Variants in HLTF observed in about 807,000 individuals in gnomAD.
The protein encoded by HLTF is helicase like transcription factor, also known as DNA-dependent ATPase/E3 ubiquitin-protein ligase HLTF.
Under a neutral mutation model 129.4 loss-of-function variants are expected in HLTF, and 127 were observed. The ratio of observed to expected loss-of-function variants is 0.98; its 90% CI spans 0.85 to 1.14. The LOEUF is 1.14. Among genes scored for constraint, HLTF ranks in the 50% most tolerant of loss-of-function variants. The pLI is 0.00. For missense variants in HLTF, 1,139 were observed against 1,187.1 expected (o/e 0.96, Z 0.60); for synonymous variants, 332 against 388.8 (o/e 0.85, Z 1.72).
rs1714967830 is a variant in HLTF, at chr3:149,030,958, GGTATTCTTAAATCT to G, written c.*1248_*1261del. ...TGACTTCCAACACTCTTAAGTCTCA[GGTATTCTTAAATCT>G]GTATCATCAAACATGAAGCTTCTCT... On this transcript the variant is annotated 3_prime_UTR_variant, in exon 25 of 25. Coordinates refer to ENST00000310053, the MANE Select transcript of HLTF (RefSeq NM_003071.4). 6.6e-6 allele frequency: 1 copy of G among 152,056 alleles called. No individual in the cohort carries two copies. Among genetic ancestry groups the G allele is most frequent in the African/African-American group, 2.4e-5 (1 of 41,400 alleles). 9.4% of individuals were successfully genotyped at this position (152,056 alleles called of 1,614,324 possible). A position where few individuals can be genotyped will look rare whatever the true frequency, so the allele number is the denominator to read the frequency against.
chr3:149,083,905 C>T (rs921478234), intron 2 of HLTF, among the ~76,000 whole-genome samples: 2 of 141,970 alleles, frequency 1.4e-5, no homozygotes, highest in Non-Finnish European at 3.0e-5. Flanking sequence ...GGCAACAAAA[C>T]GAAACTTGGT....
At chr3:149,074,644 T>C (rs1719184900) in intron 3 of HLTF, among the ~76,000 whole-genome samples, 1 of 152,106 alleles carries the variant, frequency 6.6e-6, no homozygotes, top group Admixed American at 6.6e-5. Context: ...ATAAGTTAAA[T>C]CAAAGGGTAG....
In HLTF at chr3:149,030,131, T is replaced by C. The variant is rs1714878032; in HGVS notation, c.*2089A>G. 1 of 152,214 alleles carries C rather than the reference T, an allele frequency of 6.6e-6. No individual in the cohort carries two copies. Among genetic ancestry groups the C allele is most frequent in the African/African-American group, 2.4e-5 (1 of 41,452 alleles). The allele number at this position is 152,214 out of a possible 1,614,324, so 9.4% of individuals were successfully genotyped here. Reference sequence around the variant, plus strand: ...ATGGCACCGAGGAAGGTAATAAACATTTGAAATTTTTATTGATTTTTAAAT... The same window carrying C: ...ATGGCACCGAGGAAGGTAATAAACACTTGAAATTTTTATTGATTTTTAAAT... On this transcript the variant is annotated 3_prime_UTR_variant, in exon 25 of 25. Coordinates refer to ENST00000310053, the MANE Select transcript of HLTF (RefSeq NM_003071.4).
chr3:149,081,919 C>T (rs1234807618), intron 2 of HLTF, among the ~76,000 whole-genome samples: 7 of 152,146 alleles, frequency 4.6e-5, no homozygotes, highest in Admixed American at 4.6e-4. Context: ...TACCACCAAA[C>T]CCCAATTCCA....
chr3:149,053,136 T>C (rs1717137420), intron 14 of HLTF, among the ~76,000 whole-genome samples: 1 of 152,122 alleles, frequency 6.6e-6, no homozygotes, highest in Non-Finnish European at 1.5e-5. Flanking sequence ...GCTAGATCCT[T>C]TACTTGAGAG....
At chr3:149,056,876 G>A (rs1020176298) in intron 13 of HLTF, among the ~76,000 whole-genome samples, 4 of 151,952 alleles carry the variant, frequency 2.6e-5, no homozygotes, top group African/African-American at 7.3e-5. Context: ...TTGGGAGGCC[G>A]AGGCGGGCGG....
chr3:149,060,948 T>A, intron 10 of HLTF, 90 bp from the exon 11 acceptor site: 1 of 858,470 alleles, frequency 1.2e-6, no homozygotes, highest in African/African-American at 1.7e-5. Flanking sequence ...ATAAAAAACT[T>A]TTGTCCTACT....
chr3:149,074,097 A>C (rs1169200389), intron 4 of HLTF, 118 bp downstream of exon 4: 3 of 937,388 alleles, frequency 3.2e-6, no homozygotes, highest in Non-Finnish European at 4.5e-6. Context: ...CCTGAAAAAA[A>C]GTTGTACCTT....
intron 9 of HLTF, among the ~76,000 whole-genome samples, chr3:149,064,254 TTAAG>T (rs950458553): frequency 3.9e-5 from 6 of 152,168 alleles, no homozygotes; most frequent in African/African-American, 1.4e-4. Flanking sequence ...TGTTCCAAAC[TTAAG>T]TAATAGCACC....
At chr3:149,071,479 G>A (rs1718856546) in intron 6 of HLTF, 36 bp from the exon 7 acceptor site, 12 of 1,542,398 alleles carry the variant, frequency 7.8e-6, no homozygotes, top group Non-Finnish European at 1.1e-5. Flanking sequence ...AATACATTAA[G>A]CCATTCCTTT....
intron 13 of HLTF, among the ~76,000 whole-genome samples, chr3:149,057,450 A>C (rs942269938): frequency 6.7e-5 from 10 of 150,358 alleles, no homozygotes; most frequent in South Asian, 2.1e-4. Flanking sequence ...AACAAACAAA[A>C]AAACAGTATC....
At chr3:149,038,090 T>C (rs1257166494) in intron 23 of HLTF, among the ~76,000 whole-genome samples, 1 of 152,178 alleles carries the variant, frequency 6.6e-6, no homozygotes, top group East Asian at 1.9e-4. Context: ...CAATCACCTA[T>C]GATATATGCT....
chr3:149,055,917 TTC>T (rs1419396774), intron 13 of HLTF, among the ~76,000 whole-genome samples: 4 of 152,362 alleles, frequency 2.6e-5, no homozygotes, highest in Admixed American at 6.5e-5. Flanking sequence ...CTCATACTCA[TTC>T]TCTCTCTCCA....
In HLTF at chr3:149,048,145, G is replaced by T. The variant is rs1716706926; in HGVS notation, c.1775C>A (p.Ser592Tyr). 1.9e-6 allele frequency: 3 copies of T among 1,608,626 alleles called. No individual in the cohort carries two copies. The highest frequency in any genetic ancestry group is 2.5e-6 in the Non-Finnish European group (3 of 1,178,070). Reference sequence around the variant, plus strand: ...AAGAAGAGACCACAAGTCCTTTAAAGAATTCTGGATTGGAGTACCTAGAAA... The same window carrying T: ...AAGAAGAGACCACAAGTCCTTTAAATAATTCTGGATTGGAGTACCTAGAAA... ...WVLTGTPIQN[S>Y]LKDLWSLLSF... Residue 592 changes from serine (S) to tyrosine (Y), a missense_variant, in exon 17 of 25, where the codon TCT becomes TAT. Ser to Tyr is a moderately radical substitution (Grantham distance 144). Transcript: ENST00000310053.
rs552691265 is a variant in HLTF at position 149,053,096 on chromosome 3, A to G, written c.1473+2207T>C. ...ATTATTTGAAGACAAAAAAGGGAAT[A>G]TAAGTCAGTTCTAGCCTGCTCTGTA... On this transcript the variant is annotated intron_variant, in intron 14 of 24. Coordinates refer to ENST00000310053, the MANE Select transcript of HLTF (RefSeq NM_003071.4). 4.6e-5 allele frequency among the ~76,000 whole-genome samples: 7 copies of G among 152,370 alleles called. No individual in the cohort carries two copies. In the South Asian group the frequency reaches 6.2e-4, roughly 14 times the overall value.
At chr3:149,072,570 G>T (rs556744033) in intron 5 of HLTF, among the ~76,000 whole-genome samples, 23 of 152,186 alleles carry the variant, frequency 1.5e-4, no homozygotes, top group Admixed American at 9.8e-4. Flanking sequence ...ATTAACACAT[G>T]AACACAGCAG....
rs532165142 is a variant in HLTF, at chr3:149,032,458, T to TA, written c.2878-87dup. 3.9e-4 allele frequency: 331 copies of TA among 848,912 alleles called. 1 individual carries two copies. Among genetic ancestry groups the TA allele is most frequent in the Admixed American group, 1.5e-3 (46 of 31,104 alleles). The allele number at this position is 848,912 out of a possible 1,614,324, so 52.6% of individuals were successfully genotyped here. On this transcript the variant is annotated intron_variant, in intron 24 of 24. Transcript: ENST00000310053. ...AAAAAAACTAAATGAAAGATTTGCC[T>TA]AATGGCAAAAACCGCAATTACTTTT...
At chr3:149,075,328 C>T (rs1271587051) in intron 3 of HLTF, among the ~76,000 whole-genome samples, 1 of 152,180 alleles carries the variant, frequency 6.6e-6, no homozygotes, top group Non-Finnish European at 1.5e-5. Context: ...GCGGGCAGAT[C>T]ACCTGAGGTC....
chr3:149,039,260 A>G, intron 22 of HLTF, 31 bp from the exon 23 acceptor site: 2 of 1,401,146 alleles, frequency 1.4e-6, no homozygotes, highest in East Asian at 2.5e-5. Flanking sequence ...GACAAGTAAC[A>G]AACACTATTA....
Sources: gnomAD v4.1 joint callset for allele counts (sites outside exome capture counted in the v4.1 genomes callset) on GRCh38, gnomAD v4.1.1 for gene constraint, MANE v1.5 for transcripts, NCBI Gene and HGNC (gene_info 2026-07-23, HGNC 2026-07-21) for gene names.